Variants in NFIB observed in about 807,000 individuals in gnomAD.
The protein encoded by NFIB is nuclear factor I B.
NFIB carries 11 observed loss-of-function variants against 61.5 expected under a neutral mutation model. The observed-to-expected ratio is 0.18, with a 90% CI of 0.11 to 0.30. The LOEUF (loss-of-function observed/expected upper bound fraction) is 0.30, where lower values mean the gene tolerates loss of function less well. NFIB is among the 10% of genes least tolerant of loss of function. The probability of loss-of-function intolerance (pLI) is 1.00; values close to 1 mark genes in which losing one functional copy is unlikely to be tolerated. For missense variants in NFIB, 471 were observed against 608.9 expected (o/e 0.77, Z 2.38); for synonymous variants, 260 against 216.5 (o/e 1.20, Z -1.76).
chr9:14,498,821 C>CCCTTCCTCCCTTCCTT, the NFIB span, among the ~76,000 whole-genome samples: 1 of 90,704 alleles, frequency 1.1e-5, no homozygotes, highest in Non-Finnish European at 2.1e-5. Context: ...CTCCCTTCCT[C>CCCTTCCTCCCTTCCTT]CCTTCCTCCC....
intron 2 of NFIB, among the ~76,000 whole-genome samples, chr9:14,213,186 T>C (rs2050491709): frequency 6.6e-6 from 1 of 152,198 alleles, no homozygotes; most frequent in Admixed American, 6.5e-5. Flanking sequence ...GAAGTTTCCA[T>C]GGCAGAAAGA....
rs574447267 is a variant in NFIB, at chr9:14,155,732, T to G, written c.685+93A>C. 8 of 612,384 alleles carry G rather than the reference T, an allele frequency of 1.3e-5. No individual in the cohort carries two copies. The South Asian group carries it at 2.4e-4, about 19-fold the overall frequency. The allele number at this position is 612,384 out of a possible 1,614,324, so 37.9% of individuals were successfully genotyped here. On this transcript the variant is annotated intron_variant, in intron 4 of 10. Transcript: ENST00000380953. ...GATTTTAATTCAAATTTTCCTAATA[T>G]GTGGTCACTCTTTATACTACATTTA...
chr9:14,160,851 A>AAC (rs1554653745), intron 3 of NFIB, among the ~76,000 whole-genome samples: 4 of 147,872 alleles, frequency 2.7e-5, no homozygotes, highest in Admixed American at 6.8e-5. Context: ...AAAAAAAAAA[A>AAC]CAGAAAAAAA....
At chr9:14,518,876 T>C in the NFIB span, among the ~76,000 whole-genome samples, 1 of 151,788 alleles carries the variant, frequency 6.6e-6, no homozygotes, top group Non-Finnish European at 1.5e-5. Context: ...AGCAGTGGAG[T>C]CTATGCTCAG....
At chr9:14,519,814 C>G in the NFIB span, among the ~76,000 whole-genome samples, 1 of 152,202 alleles carries the variant, frequency 6.6e-6, no homozygotes, top group Admixed American at 6.5e-5. Flanking sequence ...TCAAGTTTAC[C>G]TAGCTGGGCA....
intron 1 of NFIB, among the ~76,000 whole-genome samples, chr9:14,386,525 C>A (rs2061550369): frequency 6.6e-6 from 1 of 152,122 alleles, no homozygotes. Context: ...ACAATAATTC[C>A]CACATTATTT....
intron 3 of NFIB, among the ~76,000 whole-genome samples, chr9:14,179,380 T>A (rs1316865791): frequency 6.6e-6 from 1 of 152,148 alleles, no homozygotes; most frequent in Admixed American, 6.5e-5. Context: ...GTATGGAAAT[T>A]TTTACATTTT....
intron 1 of NFIB, among the ~76,000 whole-genome samples, chr9:14,366,519 T>G (rs2061302060): frequency 6.6e-6 from 1 of 152,022 alleles, no homozygotes; most frequent in East Asian, 1.9e-4. Flanking sequence ...AGAGTCTTGC[T>G]CTGTCAACCA....
intron 2 of NFIB, among the ~76,000 whole-genome samples, chr9:14,194,744 G>C (rs1209007768): frequency 1.3e-5 from 2 of 151,960 alleles, no homozygotes; most frequent in Non-Finnish European, 2.9e-5. Context: ...TGAGAAATAG[G>C]TTGAAACAGG....
At chr9:14,395,521 G>A (rs535440741) in intron 1 of NFIB, among the ~76,000 whole-genome samples, 51 of 151,708 alleles carry the variant, frequency 3.4e-4, no homozygotes, top group Admixed American at 2.2e-3. Flanking sequence ...TGTTTTTCTC[G>A]TGAGCCCCAC....
intron 1 of NFIB, among the ~76,000 whole-genome samples, chr9:14,309,257 G>GAAT (rs1233502421): frequency 6.6e-6 from 1 of 152,156 alleles, no homozygotes; most frequent in Non-Finnish European, 1.5e-5. Context: ...ATATAGATAT[G>GAAT]AATACATTTT....
chr9:14,124,213 T>A (rs2039341345), intron 7 of NFIB, among the ~76,000 whole-genome samples: 1 of 152,202 alleles, frequency 6.6e-6, no homozygotes, highest in Non-Finnish European at 1.5e-5. Context: ...TCTACTTTTT[T>A]TCACGTTAGA....
chr9:14,228,655 G>A (rs1476255299), intron 2 of NFIB, among the ~76,000 whole-genome samples: 1 of 152,192 alleles, frequency 6.6e-6, no homozygotes, highest in Non-Finnish European at 1.5e-5. Flanking sequence ...ATTGAGGTAT[G>A]CTTGATTTTG....
chr9:14,283,866 A>G (rs1425452972), intron 2 of NFIB, among the ~76,000 whole-genome samples: 1 of 152,186 alleles, frequency 6.6e-6, no homozygotes, highest in East Asian at 1.9e-4. Flanking sequence ...GAAAAGACAA[A>G]CCATACAATT....
At chr9:14,467,172 G>C in the NFIB span, among the ~76,000 whole-genome samples, 1 of 152,144 alleles carries the variant, frequency 6.6e-6, no homozygotes, top group Non-Finnish European at 1.5e-5. Context: ...TCCAAATAGA[G>C]TTCATCATTT....
the NFIB span, among the ~76,000 whole-genome samples, chr9:14,497,450 T>C: frequency 6.6e-6 from 1 of 152,196 alleles, no homozygotes; most frequent in South Asian, 2.1e-4. Context: ...GTGGCTTAAT[T>C]ATGGTTCATT....
the NFIB span, among the ~76,000 whole-genome samples, chr9:14,407,621 G>A: frequency 1.3e-5 from 2 of 152,188 alleles, no homozygotes; most frequent in East Asian, 3.8e-4. Flanking sequence ...TTCAGATAGT[G>A]TGGAATAAAC....
chr9:14,398,649 G>T, exon 1 of NFIB: 1 of 1,499,024 alleles, frequency 6.7e-7, no homozygotes, highest in Non-Finnish European at 8.9e-7. Flanking sequence ...ACGGATTCCC[G>T]ACAAGAAGCC....
At chr9:14,183,176 G>A (rs887853745) in intron 2 of NFIB, among the ~76,000 whole-genome samples, 1 of 152,096 alleles carries the variant, frequency 6.6e-6, no homozygotes, top group Middle Eastern at 3.2e-3. Context: ...TAAGCATGGA[G>A]AAGTGTGTGC....
Sources: allele counts gnomAD v4.1 joint callset (sites outside exome capture counted in the v4.1 genomes callset), GRCh38; gene constraint gnomAD v4.1.1; transcripts MANE v1.5; gene names NCBI Gene and HGNC (gene_info 2026-07-23, HGNC 2026-07-21).